CRACD: variants seen among roughly 807,000 people sequenced by gnomAD.
CRACD encodes the protein capping protein inhibiting regulator of actin dynamics, also known as capping protein-inhibiting regulator of actin dynamics.
Under a neutral mutation model 106.8 loss-of-function variants are expected in CRACD, and 56 were observed. That is an observed-to-expected ratio of 0.52 (90% CI 0.42 to 0.66). The LOEUF is 0.66. CRACD is among the 30% of genes least tolerant of loss of function. CRACD has a pLI of 0.00. For missense variants in CRACD, 1,730 were observed against 1,623.2 expected, an observed-to-expected ratio of 1.07 and a Z score of -1.13; for synonymous variants, 754 against 670.8, an observed-to-expected ratio of 1.12 and a Z score of -1.92.
chr4:56,188,987 C>T (rs1296343789), intron 2 of CRACD, among the ~76,000 whole-genome samples: 1 of 152,100 alleles, frequency 6.6e-6, no homozygotes, highest in African/African-American at 2.4e-5. Flanking sequence ...AGTTCGAGAC[C>T]AGCCTTGCCA....
At chr4:56,123,004 C>T (rs1202327082) in intron 1 of CRACD, among the ~76,000 whole-genome samples, 2 of 152,180 alleles carry the variant, frequency 1.3e-5, no homozygotes, top group Admixed American at 6.5e-5. Flanking sequence ...CTAAATGCCA[C>T]ATCCGTTAAA....
At chr4:56,298,033 G>A (rs1313476161) in intron 3 of CRACD, 181 bp from the exon 4 acceptor site, 5 of 575,500 alleles carry the variant, frequency 8.7e-6, no homozygotes, top group Non-Finnish European at 1.5e-5. Context: ...TAAGAGATGG[G>A]GACCCTTTTG....
intron 1 of CRACD, among the ~76,000 whole-genome samples, chr4:56,138,155 G>A (rs1344168528): frequency 6.6e-6 from 1 of 152,038 alleles, no homozygotes; most frequent in East Asian, 1.9e-4. Flanking sequence ...AGATAGATGG[G>A]ATGATAAAAG....
At chr4:56,149,105 C>T (rs952751375) in intron 1 of CRACD, among the ~76,000 whole-genome samples, 1 of 152,154 alleles carries the variant, frequency 6.6e-6, no homozygotes, top group African/African-American at 2.4e-5. Flanking sequence ...TGTGAGCCAC[C>T]GTGCCCGGCC....
chr4:56,317,540 A>T (rs1745757729), intron 8 of CRACD, among the ~76,000 whole-genome samples: 1 of 152,154 alleles, frequency 6.6e-6, no homozygotes, highest in Non-Finnish European at 1.5e-5. Context: ...GATGTCATTA[A>T]CCATTTTGAG....
At chr4:56,300,477 C>T (rs1744305771) in intron 4 of CRACD, among the ~76,000 whole-genome samples, 1 of 152,182 alleles carries the variant, frequency 6.6e-6, no homozygotes, top group Admixed American at 6.5e-5. Flanking sequence ...CAAGCTGTGA[C>T]TTCTTATAGG....
chr4:56,151,121 C>T lies in CRACD; in HGVS notation c.-335-28163C>T, dbSNP rs1270016383. 4.6e-5 allele frequency among the ~76,000 whole-genome samples: 7 copies of T among 152,146 alleles called. No homozygotes were observed. In the East Asian group the frequency reaches 1.2e-3, roughly 25 times the overall value. ...CAGCAATTCTCCTGCCTCAGCCTCC[C>T]GAGTAGCTGGGACAAAAGGCGCATG... On this transcript the variant is annotated intron_variant, in intron 1 of 10. Transcript: ENST00000682029.
rs138159429 is a variant in CRACD at position 56,236,607 on chromosome 4, A to G, written c.-188-35714A>G. Among the ~76,000 whole-genome samples, 678 of 152,288 alleles carry G rather than the reference A, an allele frequency of 4.5e-3. 4 individuals are homozygous for G. Among genetic ancestry groups the G allele is most frequent in the Non-Finnish European group, 8.0e-3 (546 of 68,016 alleles). ...ATGATGTATGGAAACCAGGAGTCAC[A>G]TAGGACGATGGCTCAATGACATGAG... On this transcript the variant is annotated intron_variant, in intron 2 of 10. Transcript: ENST00000682029.
chr4:56,310,907 C>A, intron 6 of CRACD, 173 bp downstream of exon 6: 1 of 580,010 alleles, frequency 1.7e-6, no homozygotes, highest in Non-Finnish European at 3.1e-6. Context: ...GCATCTGTTT[C>A]CATGGCAAGG....
chr4:56,138,520 G>T (rs527899870), intron 1 of CRACD, among the ~76,000 whole-genome samples: 1 of 152,092 alleles, frequency 6.6e-6, no homozygotes, highest in Non-Finnish European at 1.5e-5. Context: ...AGCAGAAAGA[G>T]ACCAAATCTT....
In CRACD at chr4:56,276,252, T is replaced by C. The variant is rs141862344; in HGVS notation, c.-17+3760T>C. ...TCCCAAAGGCGTGTTAAAACAGTTGTTAAATTTTAAAAGAGGGAGAGGGTC... is the reference window on the plus strand; with the variant it reads ...TCCCAAAGGCGTGTTAAAACAGTTGCTAAATTTTAAAAGAGGGAGAGGGTC... On this transcript the variant is annotated intron_variant, in intron 3 of 10. Coordinates refer to ENST00000682029, the MANE Select transcript of CRACD (RefSeq NM_001393381.1). 3.2e-3 allele frequency among the ~76,000 whole-genome samples: 486 copies of C among 152,328 alleles called. 5 individuals are homozygous for C. Among genetic ancestry groups the C allele is most frequent in the African/African-American group, 0.011 (469 of 41,556 alleles).
In CRACD at chr4:56,298,228, C is replaced by T; in HGVS notation, c.-2C>T. 8.7e-6 allele frequency: 14 copies of T among 1,613,910 alleles called. No homozygotes were observed. The highest frequency in any genetic ancestry group is 1.2e-5 in the Non-Finnish European group (14 of 1,179,908). ...TTACCTTCCAGGTCCTTCAACTATT[C>T]TATGGGAACCCGGGCATTTTCCCAT... On this transcript the variant is annotated 5_prime_UTR_variant, in exon 4 of 11. Coordinates refer to ENST00000682029, the MANE Select transcript of CRACD (RefSeq NM_001393381.1).
intron 1 of CRACD, among the ~76,000 whole-genome samples, chr4:56,060,731 G>A (rs945039939): frequency 6.6e-6 from 1 of 152,160 alleles, no homozygotes; most frequent in Non-Finnish European, 1.5e-5. Context: ...GATGGTATTA[G>A]GAAGTGGGGC....
At chr4:56,121,227 A>C (rs1734471757) in intron 1 of CRACD, among the ~76,000 whole-genome samples, 1 of 152,242 alleles carries the variant, frequency 6.6e-6, no homozygotes, top group Non-Finnish European at 1.5e-5. Context: ...ACTCATATTC[A>C]GTAAAATATT....
intron 4 of CRACD, among the ~76,000 whole-genome samples, chr4:56,300,811 A>G (rs1340479759): frequency 1.3e-5 from 2 of 152,246 alleles, no homozygotes; most frequent in Non-Finnish European, 2.9e-5. Flanking sequence ...ATACTATATA[A>G]TTCTGCAGTA....
chr4:56,074,913 C>T (rs552670859), intron 1 of CRACD, among the ~76,000 whole-genome samples: 6 of 152,210 alleles, frequency 3.9e-5, no homozygotes, highest in South Asian at 4.2e-4. Flanking sequence ...TGAATTTTAT[C>T]GAAGGCCTTT....
At chr4:56,066,101 C>T (rs1732458286) in intron 1 of CRACD, among the ~76,000 whole-genome samples, 1 of 152,010 alleles carries the variant, frequency 6.6e-6, no homozygotes, top group South Asian at 2.1e-4. Context: ...TGATGATGGA[C>T]ATTTGGGTTG....
rs573472519 is a variant in CRACD, at chr4:56,312,494, C to T, written c.355-703C>T. Among the ~76,000 whole-genome samples, 32 of 152,288 alleles carry T rather than the reference C, an allele frequency of 2.1e-4. 1 individual carries two copies. In the South Asian group the frequency reaches 6.2e-3, roughly 30 times the overall value. On this transcript the variant is annotated intron_variant, in intron 6 of 10. Transcript: ENST00000682029. ...AAACATTTTTGTCGATCAGGAATTT[C>T]GTGTTCCAGGTATAGATGCTATACT...
intron 3 of CRACD, among the ~76,000 whole-genome samples, chr4:56,287,276 C>A (rs1743424121): frequency 7.5e-6 from 1 of 134,094 alleles, no homozygotes. Context: ...AAATGTGCAG[C>A]ACTATACTTG....
Sources: gnomAD v4.1 joint callset for allele counts (sites outside exome capture counted in the v4.1 genomes callset) on GRCh38, gnomAD v4.1.1 for gene constraint, MANE v1.5 for transcripts, NCBI Gene and HGNC (gene_info 2026-07-23, HGNC 2026-07-21) for gene names.